Variants in MTOR observed in about 807,000 individuals in gnomAD.
MTOR encodes the protein serine/threonine-protein kinase mTOR.
In MTOR, 70 loss-of-function variants were observed where a neutral mutation model predicts 319.8. The observed-to-expected ratio is 0.22, with a 90% CI of 0.18 to 0.27. The LOEUF is 0.27. MTOR is among the 10% of genes least tolerant of loss of function. The pLI is 1.00. For missense variants in MTOR, 1,890 were observed against 3,274.4 expected (o/e 0.58, Z 10.32); for synonymous variants, 1,183 against 1,211.4 (o/e 0.98, Z 0.49).
chr1:11,189,564 C>G, intron 28 of MTOR: 1 of 1,578,292 alleles, frequency 6.3e-7, no homozygotes, highest in Non-Finnish European at 8.6e-7. Flanking sequence ...GCCTTCCTCA[C>G]CCAAACCCAC....
intron 18 of MTOR, among the ~76,000 whole-genome samples, chr1:11,230,255 A>C (rs1189350138): frequency 6.6e-6 from 1 of 152,138 alleles, no homozygotes; most frequent in African/African-American, 2.4e-5. Flanking sequence ...ACCCCTCCCT[A>C]CTAAAAATGC....
At chr1:11,167,104 G>C (rs2100608145) in intron 29 of MTOR, among the ~76,000 whole-genome samples, 1 of 152,266 alleles carries the variant, frequency 6.6e-6, no homozygotes, top group East Asian at 1.9e-4. Context: ...GTGGAGTGTG[G>C]GGAGCGGGGA....
intron 28 of MTOR, among the ~76,000 whole-genome samples, chr1:11,196,136 C>T (rs1273212108): frequency 6.6e-6 from 1 of 152,062 alleles, no homozygotes; most frequent in Non-Finnish European, 1.5e-5. Context: ...AGGTAAGGGA[C>T]AAAAGGGCAG....
chr1:11,151,231 A>G (rs145421544), intron 30 of MTOR, among the ~76,000 whole-genome samples: 1 of 152,220 alleles, frequency 6.6e-6, no homozygotes, highest in Non-Finnish European at 1.5e-5. Flanking sequence ...TAGGAGAGGT[A>G]CTCAGGGCCA....
intron 18 of MTOR, among the ~76,000 whole-genome samples, chr1:11,230,712 G>T (rs1386315762): frequency 6.6e-6 from 1 of 152,202 alleles, no homozygotes; most frequent in Non-Finnish European, 1.5e-5. Flanking sequence ...CCTTGACAAA[G>T]AATCTAGACA....
Position 11,199,500 on chromosome 1 carries a change from T to A in MTOR, c.4107+41A>T, listed in dbSNP as rs2100745184. On this transcript the variant is annotated intron_variant, in intron 27 of 57. Coordinates refer to ENST00000361445, the MANE Select transcript of MTOR (RefSeq NM_004958.4). This position sits in a 1 kb window ranked among gnomAD's most constrained non-coding sequence, Gnocchi z 4.5. The stretch of plus-strand genomic sequence containing the variant: ...TGCTTCTCTCCTCCCACCAGCTGGT[T>A]CCCTGTCAGCCTCCATCTGGACAAT... 1.2e-6 allele frequency: 2 copies of A among 1,613,704 alleles called. No homozygotes were observed. The highest frequency in any genetic ancestry group is 1.7e-6 in the Non-Finnish European group (2 of 1,179,600).
intron 6 of MTOR, among the ~76,000 whole-genome samples, chr1:11,250,705 A>G (rs982354043): frequency 1.8e-4 from 27 of 152,164 alleles, no homozygotes; most frequent in Non-Finnish European, 2.9e-4. Flanking sequence ...CTCTCTCCCC[A>G]GAACTATTCA....
chr1:11,107,484 G>T lies in MTOR; in HGVS notation c.*1C>A. On this transcript the variant is annotated 3_prime_UTR_variant, in exon 58 of 58. Coordinates refer to ENST00000361445, the MANE Select transcript of MTOR (RefSeq NM_004958.4). ...CGTGATGGGCACATCTGGGCCTCCAGTTACCAGAAAGGGCACCTAAGAAGG... is the reference window on the plus strand; with the variant it reads ...CGTGATGGGCACATCTGGGCCTCCATTTACCAGAAAGGGCACCTAAGAAGG... The T allele has an allele frequency of 6.2e-7, 1 of 1,612,950 alleles. No individual in the cohort carries two copies. The highest frequency in any genetic ancestry group is 8.5e-7 in the Non-Finnish European group (1 of 1,179,722).
chr1:11,136,723 A>C (rs1394727659), intron 36 of MTOR, among the ~76,000 whole-genome samples: 1 of 151,674 alleles, frequency 6.6e-6, no homozygotes, highest in Non-Finnish European at 1.5e-5. Flanking sequence ...GGTTGGTCTC[A>C]AATTCCTGGG....
At chr1:11,157,645 G>A (rs772371935) in intron 29 of MTOR, among the ~76,000 whole-genome samples, 2 of 152,122 alleles carry the variant, frequency 1.3e-5, no homozygotes, top group East Asian at 1.9e-4. Flanking sequence ...AGAAGAAAAC[G>A]TCGACCAGAG....
intron 19 of MTOR, among the ~76,000 whole-genome samples, chr1:11,227,297 C>CAAAAAAAAAA (rs59546882): frequency 5.4e-5 from 4 of 74,014 alleles, no homozygotes; most frequent in African/African-American, 2.4e-4. Context: ...GACTTTGTCT[C>CAAAAAAAAAA]AAAAAAAAAA....
chr1:11,215,484 G>A (rs1336943876), intron 20 of MTOR, among the ~76,000 whole-genome samples: 1 of 152,216 alleles, frequency 6.6e-6, no homozygotes, highest in Non-Finnish European at 1.5e-5. Context: ...AACTACAAAG[G>A]TCTGGTGTGA....
intron 52 of MTOR, 66 bp from the exon 53 acceptor site, chr1:11,114,519 G>T (rs1642061151): frequency 3.1e-6 from 5 of 1,600,268 alleles, no homozygotes; most frequent in Non-Finnish European, 4.3e-6. Context: ...AAGCCGAGGG[G>T]GTCTGTTACC....
chr1:11,228,125 C>T lies in MTOR; in HGVS notation c.3030+543G>A, dbSNP rs945271816. Reference sequence around the variant, plus strand: ...TGATTTTCTATTTGTGGGGCATCTACAACCGGACTGAACTCTAGATTACTG... The same window carrying T: ...TGATTTTCTATTTGTGGGGCATCTATAACCGGACTGAACTCTAGATTACTG... On this transcript the variant is annotated intron_variant, in intron 19 of 57. Transcript: ENST00000361445. 1.1e-4 allele frequency among the ~76,000 whole-genome samples: 17 copies of T among 152,076 alleles called. No individual in the cohort carries two copies. In the East Asian group the frequency reaches 3.1e-3, roughly 28 times the overall value.
Position 11,231,035 on chromosome 1 carries a change from A to T in MTOR, c.2669T>A (p.Leu890His). 6.2e-7 allele frequency: 1 copy of T among 1,614,180 alleles called. No homozygotes were observed. The highest frequency in any genetic ancestry group is 8.5e-7 in the Non-Finnish European group (1 of 1,180,020). Residue 890 changes from leucine (L) to histidine (H), a missense_variant, in exon 18 of 58, where the codon CTT becomes CAT. Coordinates refer to ENST00000361445, the MANE Select transcript of MTOR (RefSeq NM_004958.4). The stretch of plus-strand genomic sequence containing the variant: ...CTTGTAAGGATCCAAAGCCCCTAAA[A>T]GCCCTAACACACGGATGGCCTGCGT... ...TRREAIRVLGLLGALDPYKHK... is the reference protein window; with the variant it reads ...TRREAIRVLGHLGALDPYKHK...
At chr1:11,261,581 A>T (rs866727642) in intron 1 of MTOR, among the ~76,000 whole-genome samples, 1 of 152,178 alleles carries the variant, frequency 6.6e-6, no homozygotes, top group South Asian at 2.1e-4. Flanking sequence ...TGTTCAGCTT[A>T]TGCTACAAAA....
chr1:11,192,446 C>A, intron 28 of MTOR: 1 of 1,258,718 alleles, frequency 7.9e-7, no homozygotes, highest in African/African-American at 1.5e-5. Context: ...ACAACAGGGC[C>A]ATTCACAGTT....
intron 47 of MTOR, among the ~76,000 whole-genome samples, chr1:11,122,780 T>G (rs1012569391): frequency 6.6e-6 from 1 of 152,130 alleles, no homozygotes; most frequent in Non-Finnish European, 1.5e-5. Flanking sequence ...GTGCTGGGAT[T>G]ACAGGCGTGA....
At chr1:11,131,986 C>G (rs752781032) in intron 38 of MTOR, 2 of 152,196 alleles carry the variant, frequency 1.3e-5, no homozygotes, top group Non-Finnish European at 2.9e-5. Context: ...CTGAATATCT[C>G]TTGTGTATCT....
Sources: allele counts gnomAD v4.1 joint callset (sites outside exome capture counted in the v4.1 genomes callset), GRCh38; gene constraint gnomAD v4.1.1; non-coding constraint Gnocchi (gnomAD v3.1); transcripts MANE v1.5; gene names NCBI Gene and HGNC (gene_info 2026-07-23, HGNC 2026-07-21).